Variants in MCM8 observed in about 807,000 individuals in gnomAD.
MCM8 encodes the protein minichromosome maintenance 8 homologous recombination repair factor.
In MCM8, 85 loss-of-function variants were observed where a neutral mutation model predicts 98.9. That is an observed-to-expected ratio of 0.86 (90% confidence interval 0.72 to 1.03). The LOEUF (loss-of-function observed/expected upper bound fraction) is 1.03, where lower values mean the gene tolerates loss of function less well. Ranked by LOEUF, MCM8 falls within the 50% of genes least tolerant of loss-of-function variation. MCM8 has a pLI of 0.00. For missense variants in MCM8, 951 were observed against 997.8 expected (o/e 0.95, Z 0.63); for synonymous variants, 352 against 338.6 (o/e 1.04, Z -0.44).
intron 17 of MCM8, among the ~76,000 whole-genome samples, chr20:5,987,577 T>G (rs1278922050): frequency 2.6e-5 from 4 of 152,182 alleles, no homozygotes; most frequent in African/African-American, 9.7e-5. Context: ...AGTGCTAAAA[T>G]CAGTTCCAAA....
chr20:5,984,631 A>C (rs1249734684), intron 14 of MCM8, 150 bp from the exon 15 acceptor site: 4 of 626,440 alleles, frequency 6.4e-6, no homozygotes, highest in Non-Finnish European at 1.1e-5. Context: ...GATATATCGA[A>C]TCCAAGAAGC....
chr20:5,950,674 T>G lies in MCM8; in HGVS notation c.-355T>G, dbSNP rs2088793974. On this transcript the variant is annotated 5_prime_UTR_variant, in exon 1 of 19. Transcript: ENST00000610722. The stretch of plus-strand genomic sequence containing the variant: ...CTTCTTTGAGCGGAAGTTGGATCAC[T>G]GAAGCGCCAAAAAAGAATTTAGGGG... 5.2e-6 allele frequency: 2 copies of G among 384,528 alleles called. No individual in the cohort carries two copies. Among genetic ancestry groups the G allele is most frequent in the Non-Finnish European group, 4.7e-6 (1 of 212,646 alleles). The allele number at this position is 384,528 out of a possible 1,614,324, so 23.8% of individuals were successfully genotyped here.
chr20:5,957,571 A>G (rs1181185715), intron 6 of MCM8, among the ~76,000 whole-genome samples: 1 of 152,216 alleles, frequency 6.6e-6, no homozygotes, highest in Non-Finnish European at 1.5e-5. Flanking sequence ...GAAATGCTCC[A>G]AAATTCAAAA....
chr20:5,976,428 T>C (rs924667444), intron 12 of MCM8, among the ~76,000 whole-genome samples: 1 of 152,086 alleles, frequency 6.6e-6, no homozygotes, highest in Non-Finnish European at 1.5e-5. Context: ...CGCCCAAAAT[T>C]CTCTCAGCCC....
Position 5,997,982 on chromosome 20 carries a change from G to A in MCM8, c.*3591G>A, listed in dbSNP as rs1183572831. On this transcript the variant is annotated 3_prime_UTR_variant, in exon 19 of 19. Coordinates refer to ENST00000610722, the MANE Select transcript of MCM8 (RefSeq NM_032485.6). ...TATCAAGGTGAGGGTATAACTGAAC[G>A]AGAAGAGGAATAAACACCACCCTGT... 1 of 152,176 alleles carries A rather than the reference G, an allele frequency of 6.6e-6. No homozygotes were observed. The highest frequency in any genetic ancestry group is 1.5e-5 in the Non-Finnish European group (1 of 68,026). The allele number at this position is 152,176 out of a possible 1,614,324, so 9.4% of individuals were successfully genotyped here.
At chr20:5,958,504 C>A in intron 6 of MCM8, 24 bp from the exon 7 acceptor site, 6 of 1,581,226 alleles carry the variant, frequency 3.8e-6, no homozygotes, top group Non-Finnish European at 5.2e-6. Context: ...ATTTTCTGTT[C>A]ATTACTTCCT....
intron 8 of MCM8, among the ~76,000 whole-genome samples, chr20:5,963,953 C>G (rs2089215705): frequency 6.6e-6 from 1 of 152,132 alleles, no homozygotes; most frequent in South Asian, 2.1e-4. Context: ...ATTAATTGAA[C>G]TGGATATAGG....
intron 16 of MCM8, 100 bp from the exon 17 acceptor site, chr20:5,987,182 G>A (rs2089751076): frequency 8.7e-7 from 1 of 1,151,118 alleles, no homozygotes; most frequent in African/African-American, 1.6e-5. Flanking sequence ...TCGCCTAAAG[G>A]TCAGTTTTTG....
At position 5,956,627 on chromosome 20, in the gene MCM8, C is replaced by T. The variant is rs547297492; in HGVS notation, c.487-499C>T. On this transcript the variant is annotated intron_variant, in intron 5 of 18. Coordinates refer to ENST00000610722, the MANE Select transcript of MCM8 (RefSeq NM_032485.6). ...CGGGCTGGTCTCAAACTCCTGACCT[C>T]AGGGGATCCACCCACTTTGGCCTCC... is the stretch of plus-strand genomic sequence containing the variant. Among the ~76,000 whole-genome samples, 3 of 152,192 alleles carry T rather than the reference C, an allele frequency of 2.0e-5. No homozygotes were observed. In the East Asian group the frequency reaches 5.8e-4, roughly 29 times the overall value.
rs750148010 is a variant in MCM8, at chr20:5,952,157, A to G, written c.142A>G (p.Thr48Ala). The change falls in exon 2 of 19, where the codon ACT (threonine) becomes GCT (alanine). Residue 48 changes from threonine (T) to alanine (A), a missense_variant. Physicochemically the swap from Thr to Ala is moderately conservative, Grantham distance 58 (BLOSUM62 0). Transcript: ENST00000610722. ...PDLSKTTGKR[T>A]SEQTPQFLLS... ...TCTGAGTAAAACCACAGGAAAACGT[A>G]CTTCTGGTAGGTGAGGTCAATGATT... is the stretch of plus-strand genomic sequence containing the variant. 2 of 1,613,434 alleles carry G rather than the reference A, an allele frequency of 1.2e-6. No homozygotes were observed. The highest frequency in any genetic ancestry group is 8.5e-7 in the Non-Finnish European group (1 of 1,179,912).
intron 7 of MCM8, 38 bp from the exon 8 acceptor site, chr20:5,963,236 A>T: frequency 6.8e-7 from 1 of 1,476,684 alleles, no homozygotes; most frequent in Non-Finnish European, 9.5e-7. Context: ...ATTATAGTTT[A>T]TCAAAATCTG....
chr20:5,986,232 C>T (rs776863560), intron 16 of MCM8, 101 bp downstream of exon 16: 130 of 1,057,644 alleles, frequency 1.2e-4, no homozygotes, highest in Non-Finnish European at 1.7e-4. Context: ...CTCCATTTTC[C>T]TTTCTATAGA....
At chr20:5,960,344 G>T (rs1479586231) in intron 7 of MCM8, among the ~76,000 whole-genome samples, 1 of 152,016 alleles carries the variant, frequency 6.6e-6, no homozygotes, top group Admixed American at 6.6e-5. Context: ...GTAGTGACAT[G>T]ATCATAGCTC....
Position 5,994,518 on chromosome 20 carries a change from CA to C in MCM8, c.*128del. 1.7e-6 allele frequency: 1 copy of C among 597,514 alleles called. No individual in the cohort carries two copies. The highest frequency in any genetic ancestry group is 3.0e-5 in the East Asian group (1 of 32,888). The allele number at this position is 597,514 out of a possible 1,614,324, so 37.0% of individuals were successfully genotyped here. A position where few individuals can be genotyped will look rare whatever the true frequency, so the allele number is the denominator to read the frequency against. ...ACACACACACACACACACACACACA[CA>C]CACAGTCAAATACTGTTCTCTGAAA... On this transcript the variant is annotated 3_prime_UTR_variant, in exon 19 of 19. Coordinates refer to ENST00000610722, the MANE Select transcript of MCM8 (RefSeq NM_032485.6).
chr20:5,967,638 G>A (rs369588748), intron 9 of MCM8, 51 bp downstream of exon 9: 57 of 1,552,612 alleles, frequency 3.7e-5, no homozygotes, highest in Non-Finnish European at 4.5e-5. Flanking sequence ...ATTCATCAAC[G>A]TTCATCTTTT....
At position 5,954,592 on chromosome 20, in the gene MCM8, A is replaced by T. The variant is rs139718304; in HGVS notation, c.254-16A>T. ...CTGTGTGATTATTTGTGCTAATGCC[A>T]TATTTGTTGGATTAGTTTACAGCGA... On this transcript the variant is annotated splice_polypyrimidine_tract_variant and intron_variant, in intron 3 of 18. Coordinates refer to ENST00000610722, the MANE Select transcript of MCM8 (RefSeq NM_032485.6). 66 of 1,518,954 alleles carry T rather than the reference A, an allele frequency of 4.3e-5. No homozygotes were observed. Among genetic ancestry groups the T allele is most frequent in the Non-Finnish European group, 5.8e-5 (64 of 1,094,972 alleles). 94.1% of individuals were successfully genotyped at this position (1,518,954 alleles called of 1,614,324 possible).
At chr20:5,959,902 T>G (rs2122680462) in intron 7 of MCM8, among the ~76,000 whole-genome samples, 1 of 152,226 alleles carries the variant, frequency 6.6e-6, no homozygotes, top group East Asian at 1.9e-4. Flanking sequence ...TTTCACTATG[T>G]TGGCCAGGCT....
At chr20:5,953,253 G>A (rs1383235748) in intron 3 of MCM8, among the ~76,000 whole-genome samples, 1 of 152,184 alleles carries the variant, frequency 6.6e-6, no homozygotes, top group Admixed American at 6.5e-5. Context: ...TCGCAGAGCA[G>A]GAAGTAGAAC....
Position 5,955,139 on chromosome 20 carries a change from T to G in MCM8, c.374T>G (p.Phe125Cys). 6.2e-7 allele frequency: 1 copy of G among 1,608,354 alleles called. No individual in the cohort carries two copies. The highest frequency in any genetic ancestry group is 1.3e-5 in the African/African-American group (1 of 74,918). ...IERKGSILVDFKELTEGGEVT... is the reference protein window; with the variant it reads ...IERKGSILVDCKELTEGGEVT... ...AGAAAGGGAAGTATTTTGGTAGATT[T>G]TAAAGAACTGACAGAAGGTGGTGAA... Residue 125 changes from phenylalanine to cysteine, a missense_variant, in exon 5 of 19, where the codon TTT becomes TGT. Coordinates refer to ENST00000610722, the MANE Select transcript of MCM8 (RefSeq NM_032485.6).
Sources: gnomAD v4.1 joint callset for allele counts (sites outside exome capture counted in the v4.1 genomes callset) on GRCh38, gnomAD v4.1.1 for gene constraint, MANE v1.5 for transcripts, NCBI Gene and HGNC (gene_info 2026-07-23, HGNC 2026-07-21) for gene names.